Variants in VPS50 observed in about 807,000 individuals in gnomAD.
VPS50 encodes the protein syndetin.
VPS50 carries 70 observed loss-of-function variants against 139.7 expected under a neutral mutation model. The ratio of observed to expected loss-of-function variants is 0.50; its 90% CI spans 0.41 to 0.61. The LOEUF is 0.61. Among genes scored for constraint, VPS50 ranks in the 20% least tolerant of loss-of-function variants. The pLI is 0.00. For synonymous variants in VPS50, 365 were observed against 376.7 expected, an observed-to-expected ratio of 0.97 and a Z score of 0.36; for missense variants, 921 against 1,133.7, an observed-to-expected ratio of 0.81 and a Z score of 2.69.
intron 11 of VPS50, among the ~76,000 whole-genome samples, chr7:93,274,023 C>T (rs776970107): frequency 2.6e-5 from 4 of 152,064 alleles, no homozygotes; most frequent in Admixed American, 6.6e-5. Context: ...GAACTTAATT[C>T]ACAAATGTGT....
At chr7:93,349,728 C>G in intron 24 of VPS50, 147 bp from the exon 25 acceptor site, 1 of 627,066 alleles carries the variant, frequency 1.6e-6, no homozygotes, top group Non-Finnish European at 2.6e-6. Flanking sequence ...CTCAAATATT[C>G]AAATTATTTT....
At chr7:93,274,787 G>A (rs1222466881) in intron 11 of VPS50, among the ~76,000 whole-genome samples, 1 of 152,086 alleles carries the variant, frequency 6.6e-6, no homozygotes, top group East Asian at 1.9e-4. Flanking sequence ...AAATTGAAAA[G>A]CGTCTGGATT....
intron 2 of VPS50, 57 bp downstream of exon 2, chr7:93,239,991 C>T (rs1196622026): frequency 2.0e-6 from 2 of 980,156 alleles, no homozygotes; most frequent in Non-Finnish European, 3.3e-6. Context: ...ATATGATTGC[C>T]TCTGGATAGT....
intron 20 of VPS50, among the ~76,000 whole-genome samples, chr7:93,315,517 G>A (rs1172410681): frequency 1.3e-5 from 2 of 152,230 alleles, no homozygotes; most frequent in Non-Finnish European, 2.9e-5. Context: ...AAAGAGTTCT[G>A]TTAAATTACT....
At chr7:93,234,109 T>C (rs1794726191) in intron 1 of VPS50, among the ~76,000 whole-genome samples, 1 of 152,248 alleles carries the variant, frequency 6.6e-6, no homozygotes, top group African/African-American at 2.4e-5. Context: ...AAACTGCCTT[T>C]GGAATGCTGA....
chr7:93,239,925 C>G lies in VPS50; in HGVS notation c.93C>G (p.Val31=), dbSNP rs146829042. ...TTGGTGCCATAGAGAGTCTCCGGGTCCCTGGAAAGGTATTGAGCTACACGT... is the reference window on the plus strand; with the variant it reads ...TTGGTGCCATAGAGAGTCTCCGGGTGCCTGGAAAGGTATTGAGCTACACGT... The part of the protein sequence containing the change: ...SDLGAIESLR[V]PGKEEFRELR... The change falls in exon 2 of 28, where the codon GTC becomes GTG. Residue 31 remains valine, a synonymous_variant. Transcript: ENST00000305866. The G allele has an allele frequency of 8.1e-6, 13 of 1,596,052 alleles. No homozygotes were observed. In the East Asian group the frequency reaches 2.9e-4, roughly 36 times the overall value.
intron 14 of VPS50, 124 bp from the exon 15 acceptor site, chr7:93,296,618 A>G: frequency 6.8e-7 from 1 of 1,461,504 alleles, no homozygotes; most frequent in South Asian, 1.4e-5. Flanking sequence ...CTAAATAGAT[A>G]TTCGTTAACA....
intron 14 of VPS50, among the ~76,000 whole-genome samples, chr7:93,296,284 TATTTA>T (rs1312066868): frequency 2.6e-5 from 4 of 152,196 alleles, no homozygotes; most frequent in Admixed American, 6.6e-5. Context: ...TAAAATTAAA[TATTTA>T]ATTTATCATT....
intron 12 of VPS50, among the ~76,000 whole-genome samples, chr7:93,285,784 T>A (rs1211083704): frequency 2.0e-5 from 3 of 152,176 alleles, no homozygotes; most frequent in Non-Finnish European, 4.4e-5. Flanking sequence ...TGTGAAAGTG[T>A]TAATCAAAAT....
At chr7:93,297,758 T>A (rs1455187163) in intron 16 of VPS50, among the ~76,000 whole-genome samples, 3 of 152,106 alleles carry the variant, frequency 2.0e-5, no homozygotes, top group African/African-American at 7.2e-5. Context: ...TGACTAGGAA[T>A]GGTTTGGGTA....
At chr7:93,290,091 A>T (rs767396693) in intron 12 of VPS50, among the ~76,000 whole-genome samples, 1 of 152,076 alleles carries the variant, frequency 6.6e-6, no homozygotes, top group Non-Finnish European at 1.5e-5. Flanking sequence ...GTTTATTTGT[A>T]TACAAATGCC....
intron 12 of VPS50, among the ~76,000 whole-genome samples, chr7:93,289,985 T>A (rs751788412): frequency 4.4e-4 from 67 of 152,104 alleles, no homozygotes; most frequent in Admixed American, 1.0e-3. Flanking sequence ...TGTTTCATGG[T>A]TTTCTTCTTG....
rs140904602 is a variant in VPS50 at position 93,268,820 on chromosome 7, A to G, written c.660-2400A>G. The stretch of plus-strand genomic sequence containing the variant: ...TATCGTGAATAGTGCTGCAGTGAGC[A>G]TACACGTGCATGTATCTTTATAACA... On this transcript the variant is annotated intron_variant, in intron 9 of 27. Transcript: ENST00000305866. Among the ~76,000 whole-genome samples the G allele has an allele frequency of 2.1e-3, 319 of 152,276 alleles. 1 individual carries two copies. Among genetic ancestry groups the G allele is most frequent in the African/African-American group, 7.2e-3 (301 of 41,570 alleles).
intron 2 of VPS50, among the ~76,000 whole-genome samples, chr7:93,244,617 A>G (rs1795095811): frequency 6.6e-6 from 1 of 151,928 alleles, no homozygotes; most frequent in South Asian, 2.1e-4. Context: ...AGAAATATAC[A>G]TTCTAAATAA....
chr7:93,297,124 G>GA, intron 15 of VPS50, 21 bp from the exon 16 acceptor site: 1 of 1,549,888 alleles, frequency 6.5e-7, no homozygotes, highest in Non-Finnish European at 8.6e-7. Context: ...GAAATTTACT[G>GA]AAACCTTTTT....
intron 26 of VPS50, among the ~76,000 whole-genome samples, chr7:93,355,653 G>A (rs1312475133): frequency 1.3e-5 from 2 of 152,108 alleles, no homozygotes; most frequent in Non-Finnish European, 2.9e-5. Flanking sequence ...ACAACAAAGA[G>A]ACTTGAACTC....
At chr7:93,244,051 T>C (rs1795077733) in intron 2 of VPS50, among the ~76,000 whole-genome samples, 1 of 151,906 alleles carries the variant, frequency 6.6e-6, no homozygotes, top group South Asian at 2.1e-4. Flanking sequence ...TCTTTACTTT[T>C]ACATGATTGG....
chr7:93,326,571 C>T (rs140261620), intron 21 of VPS50, among the ~76,000 whole-genome samples: 39 of 151,546 alleles, frequency 2.6e-4, no homozygotes, highest in Middle Eastern at 6.8e-3. Flanking sequence ...ATCTACCTGC[C>T]GTAGAATTAA....
intron 21 of VPS50, among the ~76,000 whole-genome samples, chr7:93,328,542 G>A (rs981358113): frequency 3.3e-5 from 5 of 152,168 alleles, no homozygotes; most frequent in Non-Finnish European, 7.4e-5. Flanking sequence ...GAATACTATA[G>A]AAAAGGCAAC....
Sources: gnomAD v4.1 joint callset for allele counts (sites outside exome capture counted in the v4.1 genomes callset) on GRCh38, gnomAD v4.1.1 for gene constraint, MANE v1.5 for transcripts, NCBI Gene and HGNC (gene_info 2026-07-23, HGNC 2026-07-21) for gene names.